The following RTKN variants were observed in gnomAD, a reference collection of about 807,000 sequenced individuals.
The protein encoded by RTKN is rhotekin.
Under a neutral mutation model 63.5 loss-of-function variants are expected in RTKN, and 49 were observed. The ratio of observed to expected loss-of-function variants is 0.77; its 90% CI spans 0.61 to 0.98. The LOEUF (loss-of-function observed/expected upper bound fraction) is 0.98. Ranked by LOEUF, RTKN falls within the 50% of genes least tolerant of loss-of-function variation. The pLI is 0.00. For synonymous variants in RTKN, 295 were observed against 290.4 expected, an observed-to-expected ratio of 1.02 and a Z score of -0.16; for missense variants, 685 against 740.8, an observed-to-expected ratio of 0.92 and a Z score of 0.87.
Position 74,428,696 on chromosome 2 carries a change from A to C in RTKN, c.892T>G (p.Cys298Gly). 6.2e-7 allele frequency: 1 copy of C among 1,614,014 alleles called. No individual in the cohort carries two copies. The highest frequency in any genetic ancestry group is 8.5e-7 in the Non-Finnish European group (1 of 1,179,978). ...AWLPLYGSVC[C>G]RLAAQPLCMT... is the part of the protein sequence containing the mutation. The stretch of plus-strand genomic sequence containing the variant: ...CAGAGAGGCTGAGCTGCCAGACGGC[A>C]ACACACGCTACCATAAAGGGGCAGC... Residue 298 changes from cysteine (C) to glycine (G), a missense_variant, in exon 8 of 12, where the codon TGC becomes GGC. Cys to Gly is a radical substitution (Grantham distance 159). Coordinates refer to ENST00000272430, the MANE Select transcript of RTKN (RefSeq NM_001015055.2).
Position 74,436,541 on chromosome 2 carries a change from C to T in RTKN, c.112-3875G>A, listed in dbSNP as rs1487391469. Among the ~76,000 whole-genome samples, 1 of 152,120 alleles carries T rather than the reference C, an allele frequency of 6.6e-6. No homozygotes were observed. The highest frequency in any genetic ancestry group is 6.5e-5 in the Admixed American group (1 of 15,286). On this transcript the variant is annotated intron_variant, in intron 1 of 11. Coordinates refer to ENST00000272430, the MANE Select transcript of RTKN (RefSeq NM_001015055.2). This position sits in a 1 kb window ranked among gnomAD's most constrained non-coding sequence, Gnocchi z 4.3. ...AAAGGCTCCTGGCCTTCACGACGTG[C>T]TCCAGCTCCGGGAGGCCCCTCCCGC...
chr2:74,429,022 C>T (rs984367660), intron 6 of RTKN, 80 bp from the exon 7 acceptor site: 17 of 1,158,458 alleles, frequency 1.5e-5, no homozygotes, highest in Admixed American at 9.1e-5. Context: ...GCAGATCTGC[C>T]CCATTGTTCA....
intron 1 of RTKN, among the ~76,000 whole-genome samples, chr2:74,433,356 T>G (rs1475383590): frequency 6.6e-6 from 1 of 151,992 alleles, no homozygotes; most frequent in Non-Finnish European, 1.5e-5. Flanking sequence ...TGAGTGCAAT[T>G]TGGAAAAAAA....
At chr2:74,437,867 C>A (rs970615845) in intron 1 of RTKN, among the ~76,000 whole-genome samples, 1 of 152,168 alleles carries the variant, frequency 6.6e-6, no homozygotes, top group Non-Finnish European at 1.5e-5. Context: ...ATTAGATAAA[C>A]GTGCTCCCTC....
chr2:74,437,294 A>C (rs1671115755), intron 1 of RTKN, among the ~76,000 whole-genome samples: 1 of 152,152 alleles, frequency 6.6e-6, no homozygotes, highest in Admixed American at 6.6e-5. Flanking sequence ...TTTACTTGCA[A>C]CTTGAGTCAC....
chr2:74,441,362 GC>G (rs1558553925), intron 1 of RTKN, among the ~76,000 whole-genome samples: 2 of 152,196 alleles, frequency 1.3e-5, no homozygotes, highest in African/African-American at 4.8e-5. Context: ...AGCGCTTGGG[GC>G]CCGCCTAGCT....
chr2:74,439,497 T>A, intron 1 of RTKN: 1 of 1,589,766 alleles, frequency 6.3e-7, no homozygotes, highest in Non-Finnish European at 8.6e-7. Flanking sequence ...AGGGCAGAGA[T>A]TGGGGCTGGG....
Position 74,429,854 on chromosome 2 carries a change from G to A in RTKN, c.729C>T (p.Pro243=). The A allele has an allele frequency of 6.2e-7, 1 of 1,614,030 alleles. No individual in the cohort carries two copies. The highest frequency in any genetic ancestry group is 1.7e-5 in the Admixed American group (1 of 60,032). Reference sequence around the variant, plus strand: ...CAACAACTGGGGTGGGGAGCAAGATGGGACTGCTCCCTGAACCCCCAGCAC... The same window carrying A: ...CAACAACTGGGGTGGGGAGCAAGATAGGACTGCTCCCTGAACCCCCAGCAC... ...LDSAGGSGSS[P]ILLPTPVVGG... Residue 243 remains proline (P), a synonymous_variant, in exon 6 of 12, where the codon CCC becomes CCT. Transcript: ENST00000272430.
rs896332970 is a variant in RTKN, at chr2:74,429,948, C to T, written c.635G>A (p.Arg212Lys). 6.2e-7 allele frequency: 1 copy of T among 1,614,248 alleles called. No homozygotes were observed. The highest frequency in any genetic ancestry group is 8.5e-7 in the Non-Finnish European group (1 of 1,180,032). ...EEGALTGGPK[R>K]LATKLSSSLG... ...GGAGCTGCTGAGTTTGGTGGCAAGCCTCTTGGGGCCGCCAGTCAGGGCCCC... is the reference window on the plus strand; with the variant it reads ...GGAGCTGCTGAGTTTGGTGGCAAGCTTCTTGGGGCCGCCAGTCAGGGCCCC... The change falls in exon 6 of 12, where the codon AGG (arginine) becomes AAG (lysine). Residue 212 changes from arginine (R) to lysine (K), a missense_variant. Coordinates refer to ENST00000272430, the MANE Select transcript of RTKN (RefSeq NM_001015055.2).
In RTKN at chr2:74,425,998, G is replaced by A; in HGVS notation, c.*245C>T. ...TAGTGCAGGGAGGTAGGGCAGAGTT[G>A]GTTCCAGTTTTCTTCCAGGAAGGGT... On this transcript the variant is annotated 3_prime_UTR_variant, in exon 12 of 12. Coordinates refer to ENST00000272430, the MANE Select transcript of RTKN (RefSeq NM_001015055.2). 6 of 643,204 alleles carry A rather than the reference G, an allele frequency of 9.3e-6. No homozygotes were observed. The South Asian group carries it at 1.2e-4, about 13-fold the overall frequency. 39.8% of individuals were successfully genotyped at this position (643,204 alleles called of 1,614,324 possible).
intron 1 of RTKN, chr2:74,440,554 G>A (rs1278902581): frequency 2.0e-6 from 2 of 985,898 alleles, no homozygotes; most frequent in African/African-American, 1.7e-5. Context: ...CAGGCCCTGC[G>A]GCTCCGCCCC....
chr2:74,430,769 C>A (rs1430750011), intron 2 of RTKN, 92 bp from the exon 3 acceptor site: 6 of 1,275,262 alleles, frequency 4.7e-6, no homozygotes, highest in South Asian at 1.4e-5. Flanking sequence ...CTGATCCCAG[C>A]GCCTCAGCCA....
rs1332709875 is a variant in RTKN at position 74,428,962 on chromosome 2, G to A, written c.756-20C>T. On this transcript the variant is annotated intron_variant, in intron 6 of 11. Transcript: ENST00000272430. ...GGACCACTGAGGGAGATAGGAGAGA[G>A]CATCAGCCAAGGGAGGGGCATGTTG... 1.0e-5 allele frequency: 16 copies of A among 1,601,040 alleles called. No homozygotes were observed. The highest frequency in any genetic ancestry group is 1.4e-5 in the Non-Finnish European group (16 of 1,168,628).
intron 1 of RTKN, among the ~76,000 whole-genome samples, chr2:74,435,945 G>A (rs933910102): frequency 2.6e-5 from 4 of 152,088 alleles, no homozygotes; most frequent in Non-Finnish European, 5.9e-5. Context: ...CCATCCACCC[G>A]TTTTCCTTCT....
chr2:74,433,931 A>C (rs1558547213), intron 1 of RTKN, among the ~76,000 whole-genome samples: 1 of 152,160 alleles, frequency 6.6e-6, no homozygotes, highest in Non-Finnish European at 1.5e-5. Flanking sequence ...GATATGAAAC[A>C]ATCTCCAAAA....
chr2:74,433,567 C>T (rs1020675996), intron 1 of RTKN, among the ~76,000 whole-genome samples: 9 of 151,448 alleles, frequency 5.9e-5, no homozygotes, highest in African/African-American at 2.2e-4. Context: ...CAGTTCACTG[C>T]AAGCTCCACC....
chr2:74,430,739 C>G, intron 2 of RTKN, 62 bp from the exon 3 acceptor site: 1 of 1,507,992 alleles, frequency 6.6e-7, no homozygotes, highest in Non-Finnish European at 9.0e-7. Context: ...TGCTCTGGTC[C>G]CAACGACTCT....
intron 1 of RTKN, chr2:74,439,597 T>C: frequency 6.2e-7 from 1 of 1,614,100 alleles, no homozygotes; most frequent in Non-Finnish European, 8.5e-7. Context: ...ATTCAGGTCC[T>C]CCAGGATGTG....
At chr2:74,440,651 C>T in intron 1 of RTKN, 1 of 804,636 alleles carries the variant, frequency 1.2e-6, no homozygotes, top group Non-Finnish European at 1.5e-6. Context: ...CGGGCCTCGC[C>T]CCTTACTCCC....
Sources: gnomAD v4.1 joint callset for allele counts (sites outside exome capture counted in the v4.1 genomes callset) on GRCh38, gnomAD v4.1.1 for gene constraint, Gnocchi (gnomAD v3.1) non-coding constraint, MANE v1.5 for transcripts, NCBI Gene and HGNC (gene_info 2026-07-23, HGNC 2026-07-21) for gene names.